SMARCA1: variants seen among roughly 807,000 people sequenced by gnomAD.
SMARCA1 encodes SWI/SNF-related matrix-associated actin-dependent regulator of chromatin subfamily A member 1.
In SMARCA1, 17 loss-of-function variants were observed where a neutral mutation model predicts 93.6. That is an observed-to-expected ratio of 0.18 (90% CI 0.12 to 0.27). The LOEUF is 0.27. SMARCA1 is among the 10% of genes least tolerant of loss of function. The pLI, the probability that SMARCA1 is intolerant of heterozygous loss-of-function variation, is 1.00. For missense variants in SMARCA1, 630 were observed against 819.0 expected (o/e 0.77, Z 2.82); for synonymous variants, 271 against 271.4 (o/e 1.00, Z 0.01).
chrX:129,447,349 T>G, intron 24 of SMARCA1, 116 bp from the exon 25 acceptor site: 1 of 742,008 alleles, frequency 1.3e-6, no homozygotes, highest in Admixed American at 4.3e-5. Context: ...AATATTCACT[T>G]AAATGTTATA....
At chrX:129,488,666 T>G (rs1223777485) in intron 16 of SMARCA1, among the ~76,000 whole-genome samples, 1 of 108,423 alleles carries the variant, frequency 9.2e-6, no homozygotes, top group Non-Finnish European at 1.9e-5. Context: ...AACACAAAAT[T>G]TACTTGGCTT....
intron 1 of SMARCA1, 69 bp from the exon 2 acceptor site, chrX:129,518,516 A>C: frequency 1.6e-6 from 1 of 618,612 alleles, no homozygotes; most frequent in Non-Finnish European, 2.6e-6. Flanking sequence ...CAATGCTCTC[A>C]TTAGAAGAAG....
At chrX:129,499,045 C>T (rs947198044) in intron 10 of SMARCA1, among the ~76,000 whole-genome samples, 2 of 105,410 alleles carry the variant, frequency 1.9e-5, no homozygotes, top group African/African-American at 3.5e-5. Flanking sequence ...AGCAAGAATG[C>T]TTTTTTTTTT....
intron 23 of SMARCA1, among the ~76,000 whole-genome samples, chrX:129,451,982 C>T (rs990756462): frequency 2.7e-5 from 3 of 111,995 alleles, no homozygotes; most frequent in African/African-American, 9.7e-5. Context: ...GGATTACAGG[C>T]GTGAGCCACC....
At position 129,468,820 on chromosome X, in the gene SMARCA1, G is replaced by A. The variant is rs750850527; in HGVS notation, c.2651C>T (p.Ala884Val). The change falls in exon 21 of 25, where the codon GCT (alanine) becomes GTT (valine). Residue 884 changes from alanine (A) to valine (V), a missense_variant. This residue lies in a region of SMARCA1 where 93 missense variants were observed against 160.8 expected (regional missense o/e 0.58). Coordinates refer to ENST00000371121, the MANE Select transcript of SMARCA1 (RefSeq NM_001282874.2). ...AGGGGATTTGCCCTCTACCTCTCGA[G>A]CTATGTTATCAATGTCATCTCTTCC... ...KYGRDDIDNI[A>V]REVEGKSPEE... 8.4e-7 allele frequency: 1 copy of A among 1,183,793 alleles called. No individual in the cohort carries two copies. Among genetic ancestry groups the A allele is most frequent in the Non-Finnish European group, 1.1e-6 (1 of 871,861 alleles).
Position 129,518,404 on chromosome X carries a change from G to T in SMARCA1, c.218C>A (p.Pro73His). 1 of 1,193,917 alleles carries T rather than the reference G, an allele frequency of 8.4e-7. No individual in the cohort carries two copies. ...SFQLKLAAKA[P>H]KSEKEMDPEY... ...TGGGTCCATTTCCTTTTCAGATTTA[G>T]GCGCTTTAGCAGCAAGTTTGAGTTG... Residue 73 changes from proline (P) to histidine (H), a missense_variant, in exon 2 of 25, where the codon CCT (proline) becomes CAT (histidine). Pro to His is a moderately conservative substitution (Grantham distance 77). Transcript: ENST00000371121.
At chrX:129,499,710 T>C (rs1340063252) in intron 10 of SMARCA1, 22 bp downstream of exon 10, 1 of 890,338 alleles carries the variant, frequency 1.1e-6, no homozygotes. Flanking sequence ...AAATAAGTTT[T>C]AAAGGAAATG....
At chrX:129,459,597 G>C (rs1024680156) in intron 23 of SMARCA1, among the ~76,000 whole-genome samples, 2 of 111,514 alleles carry the variant, frequency 1.8e-5, no homozygotes, top group Non-Finnish European at 3.8e-5. Context: ...ATTTATAACT[G>C]GCTATTCAAG....
intron 23 of SMARCA1, among the ~76,000 whole-genome samples, chrX:129,454,890 CAAA>C (rs1425445705): frequency 5.4e-5 from 6 of 111,792 alleles, no homozygotes; most frequent in African/African-American, 2.0e-4. Context: ...AAATGCAAAT[CAAA>C]ACCACAATGA....
intron 19 of SMARCA1, among the ~76,000 whole-genome samples, chrX:129,473,562 C>T (rs917660470): frequency 8.9e-6 from 1 of 111,871 alleles, no homozygotes; most frequent in African/African-American, 3.3e-5. Flanking sequence ...CCCAGATGAC[C>T]ATCAAGAGAA....
chrX:129,512,717 C>T (rs1211400872), intron 5 of SMARCA1, among the ~76,000 whole-genome samples: 1 of 111,300 alleles, frequency 9.0e-6, no homozygotes, highest in Non-Finnish European at 1.9e-5. Context: ...TTTATTGTAT[C>T]CTATCTGATA....
At chrX:129,513,055 T>C (rs1209076507) in intron 5 of SMARCA1, among the ~76,000 whole-genome samples, 1 of 112,217 alleles carries the variant, frequency 8.9e-6, no homozygotes, top group Non-Finnish European at 1.9e-5. Flanking sequence ...ATATATACAA[T>C]ATGATTTCAA....
At chrX:129,516,961 T>C (rs1935223960) in intron 2 of SMARCA1, among the ~76,000 whole-genome samples, 1 of 111,581 alleles carries the variant, frequency 9.0e-6, no homozygotes, top group Admixed American at 9.6e-5. Context: ...ACTGAACTCT[T>C]AAGAATTTCC....
chrX:129,486,835 T>TGATGACGAC (rs749662735), intron 17 of SMARCA1, among the ~76,000 whole-genome samples, 183 bp downstream of exon 17: 13 of 109,922 alleles, frequency 1.2e-4, no homozygotes, highest in African/African-American at 3.7e-4. Context: ...ATGATGATGA[T>TGATGACGAC]GACGACGACG....
In SMARCA1 at chrX:129,455,579, C is replaced by T. The variant is rs771146757; in HGVS notation, c.3031-7136G>A. Among the ~76,000 whole-genome samples the T allele has an allele frequency of 2.7e-5, 3 of 109,821 alleles. No homozygotes were observed. In the South Asian group the frequency reaches 1.2e-3, roughly 44 times the overall value. Reference sequence around the variant, plus strand: ...ATGTAACAAACCTGCACATTCTGCACATGTATCCCAGAACTTAAAGTATAA... The same window carrying T: ...ATGTAACAAACCTGCACATTCTGCATATGTATCCCAGAACTTAAAGTATAA... On this transcript the variant is annotated intron_variant, in intron 23 of 24. Coordinates refer to ENST00000371121, the MANE Select transcript of SMARCA1 (RefSeq NM_001282874.2).
intron 17 of SMARCA1, 113 bp downstream of exon 17, chrX:129,486,905 C>A: frequency 1.7e-6 from 1 of 599,849 alleles, no homozygotes; most frequent in South Asian, 3.5e-5. Flanking sequence ...AGACCTATAT[C>A]AAATTTCACT....
At chrX:129,475,100 ACCT>A (rs1212741955) in intron 19 of SMARCA1, among the ~76,000 whole-genome samples, 1 of 103,979 alleles carries the variant, frequency 9.6e-6, no homozygotes, top group Non-Finnish European at 2.0e-5. Context: ...AGACTAATAC[ACCT>A]CCTATAAAAA....
At chrX:129,484,528 C>A (rs186573977) in intron 17 of SMARCA1, among the ~76,000 whole-genome samples, 1 of 111,690 alleles carries the variant, frequency 9.0e-6, no homozygotes, top group African/African-American at 3.2e-5. Flanking sequence ...TCTCATTTTT[C>A]AGTAAAATAA....
At position 129,465,973 on chromosome X, in the gene SMARCA1, G is replaced by A; in HGVS notation, c.2699-11C>T. On this transcript the variant is annotated splice_polypyrimidine_tract_variant and intron_variant, in intron 21 of 24. Transcript: ENST00000371121. ...GTTCCCAAAATACAGCTGAAAAACA[G>A]AGTTATTTCTTTAAAATCCTATCAT... The A allele has an allele frequency of 1.1e-6, 1 of 887,712 alleles. No individual in the cohort carries two copies. Among genetic ancestry groups the A allele is most frequent in the Non-Finnish European group, 1.6e-6 (1 of 629,448 alleles). The allele number at this position is 887,712 out of a possible 1,213,427, so 73.2% of individuals were successfully genotyped here. A position where few individuals can be genotyped will look rare whatever the true frequency, so the allele number is the denominator to read the frequency against.
Sources: allele counts gnomAD v4.1 joint callset (sites outside exome capture counted in the v4.1 genomes callset), GRCh38; gene constraint gnomAD v4.1.1; regional missense constraint gnomAD v4.1.1; transcripts MANE v1.5; gene names NCBI Gene and HGNC (gene_info 2026-07-23, HGNC 2026-07-21).